FAM135A: variants seen among roughly 807,000 people sequenced by gnomAD.
FAM135A encodes family with sequence similarity 135 member A.
Under a neutral mutation model 146.8 loss-of-function variants are expected in FAM135A, and 79 were observed. The observed-to-expected ratio is 0.54, with a 90% CI of 0.45 to 0.65. The LOEUF (loss-of-function observed/expected upper bound fraction) is 0.65, where lower values mean the gene tolerates loss of function less well. FAM135A is among the 30% of genes least tolerant of loss of function. The pLI, the probability that FAM135A is intolerant of heterozygous loss-of-function variation, is 0.00. For missense variants in FAM135A, 1,623 were observed against 1,758.2 expected (o/e 0.92, Z 1.38); for synonymous variants, 562 against 603.6 (o/e 0.93, Z 1.01).
intron 2 of FAM135A, among the ~76,000 whole-genome samples, chr6:70,425,703 A>G (rs990487539): frequency 1.3e-5 from 2 of 152,250 alleles, no homozygotes; most frequent in African/African-American, 2.4e-5. Flanking sequence ...AGTATTTTAA[A>G]TAGTTCTTTA....
chr6:70,472,221 C>T (rs6906592), intron 5 of FAM135A, among the ~76,000 whole-genome samples: 43,730 of 152,028 alleles, frequency 0.29, 8,512 homozygotes, highest in African/African-American at 0.55. Flanking sequence ...TTTGTTTCTT[C>T]AGGCAGTGGA....
chr6:70,416,134 A>G (rs1767503547), intron 2 of FAM135A, among the ~76,000 whole-genome samples: 2 of 152,198 alleles, frequency 1.3e-5, no homozygotes, highest in South Asian at 4.1e-4. Flanking sequence ...AGATGTACCA[A>G]ATAAAATGAC....
chr6:70,415,568 T>A (rs1767380928), intron 2 of FAM135A, among the ~76,000 whole-genome samples, 192 bp downstream of exon 2: 1 of 152,202 alleles, frequency 6.6e-6, no homozygotes, highest in African/African-American at 2.4e-5. Context: ...TAAGATTTTT[T>A]AAAAATGATT....
intron 2 of FAM135A, among the ~76,000 whole-genome samples, chr6:70,424,974 T>C (rs1052321265): frequency 3.9e-5 from 6 of 151,954 alleles, no homozygotes; most frequent in Admixed American, 2.0e-4. Flanking sequence ...AATTCTGATA[T>C]TAATTTCTAT....
intron 20 of FAM135A, among the ~76,000 whole-genome samples, chr6:70,546,580 ATT>A (rs1193936835): frequency 6.6e-6 from 1 of 152,194 alleles, no homozygotes; most frequent in East Asian, 1.9e-4. Context: ...GCCTAAAATA[ATT>A]TGTGTGTTTT....
At chr6:70,419,637 C>T (rs542919105) in intron 2 of FAM135A, among the ~76,000 whole-genome samples, 46 of 152,202 alleles carry the variant, frequency 3.0e-4, no homozygotes, top group Admixed American at 1.7e-3. Context: ...GTTTTTCCCT[C>T]GGTTGGTCTC....
At chr6:70,449,591 T>G (rs1469113750) in intron 4 of FAM135A, among the ~76,000 whole-genome samples, 2 of 152,206 alleles carry the variant, frequency 1.3e-5, no homozygotes, top group African/African-American at 4.8e-5. Context: ...TTTTCTTATT[T>G]TTTAAGGCTA....
chr6:70,428,715 T>TG, intron 4 of FAM135A, among the ~76,000 whole-genome samples: 1 of 152,230 alleles, frequency 6.6e-6, no homozygotes. Flanking sequence ...TATAGTATAA[T>TG]GGGAAAAAAT....
At chr6:70,492,006 C>G (rs1170660298) in intron 11 of FAM135A, among the ~76,000 whole-genome samples, 1 of 151,874 alleles carries the variant, frequency 6.6e-6, no homozygotes, top group Middle Eastern at 3.4e-3. Flanking sequence ...CAAAATCCCA[C>G]TGGAAATTTA....
rs781723466 is a variant in FAM135A at position 70,556,742 on chromosome 6, A to C, written c.4229-8A>C. The C allele has an allele frequency of 4.4e-6, 7 of 1,573,032 alleles. No individual in the cohort carries two copies. Among genetic ancestry groups the C allele is most frequent in the Admixed American group, 1.8e-5 (1 of 56,630 alleles). On this transcript the variant is annotated splice_region_variant and splice_polypyrimidine_tract_variant and intron_variant, in intron 20 of 21. Transcript: ENST00000418814. ...ACTGCATTATAATTTATTATATTCT[A>C]TTCACAGGGCTTCATTATTTCAAAA...
intron 12 of FAM135A, among the ~76,000 whole-genome samples, chr6:70,521,103 T>C (rs936976913): frequency 6.6e-6 from 1 of 152,204 alleles, no homozygotes; most frequent in African/African-American, 2.4e-5. Context: ...TTTTTGTTTG[T>C]TTTTTCTTCA....
At chr6:70,510,025 T>C (rs530990879) in intron 12 of FAM135A, among the ~76,000 whole-genome samples, 5 of 152,258 alleles carry the variant, frequency 3.3e-5, no homozygotes, top group Non-Finnish European at 5.9e-5. Flanking sequence ...GTATAAAATA[T>C]AGTTTTGGAT....
At chr6:70,454,053 C>T (rs1464345533) in intron 5 of FAM135A, among the ~76,000 whole-genome samples, 1 of 152,168 alleles carries the variant, frequency 6.6e-6, no homozygotes, top group Non-Finnish European at 1.5e-5. Flanking sequence ...GTTCCTGTTT[C>T]TCCACATCCT....
rs1797318292 is a variant in FAM135A at position 70,538,857 on chromosome 6, T to TATATA, written c.4228+460_4228+461insAATAT. Among the ~76,000 whole-genome samples, 6 of 138,758 alleles carry TATATA rather than the reference T, an allele frequency of 4.3e-5. No individual in the cohort carries two copies. In the South Asian group the frequency reaches 1.4e-3, roughly 31 times the overall value. The allele number at this position is 138,758 out of a possible 152,430, so 91.0% of individuals were successfully genotyped here. A position where few individuals can be genotyped will look rare whatever the true frequency, so the allele number is the denominator to read the frequency against. ...TATATTATATTATATTATATTATATTATATGGCTAGCAAGCATTTCTGAAA... is the reference window on the plus strand; with the variant it reads ...TATATTATATTATATTATATTATATTATATAATATGGCTAGCAAGCATTTCTGAAA... On this transcript the variant is annotated intron_variant, in intron 20 of 21. Coordinates refer to ENST00000418814, the MANE Select transcript of FAM135A (RefSeq NM_001162529.3).
Position 70,475,750 on chromosome 6 carries a change from T to G in FAM135A, c.368+17T>G. The G allele has an allele frequency of 6.3e-7, 1 of 1,576,620 alleles. No homozygotes were observed. The highest frequency in any genetic ancestry group is 8.7e-7 in the Non-Finnish European group (1 of 1,155,570). ...AGATTATTCGTAAGTAGCTAATCAA[T>G]TAAAAAACCTTTAGGCACTTATGAC... is the stretch of plus-strand genomic sequence containing the variant. On this transcript the variant is annotated intron_variant, in intron 7 of 21. Transcript: ENST00000418814.
intron 1 of FAM135A, 130 bp downstream of exon 1, chr6:70,413,832 C>G: frequency 1.0e-6 from 1 of 985,546 alleles, no homozygotes; most frequent in Non-Finnish European, 1.2e-6. Flanking sequence ...GCCGCGGCCC[C>G]TCACCCGACT....
chr6:70,525,351 C>G lies in FAM135A; in HGVS notation c.2267C>G (p.Pro756Arg). ...VVVSGDTIKL[P>R]DISATYASSR... Reference sequence around the variant, plus strand: ...GTAAGTGGAGATACAATTAAGTTACCAGATATTAGTGCCACATATGCCTCA... The same window carrying G: ...GTAAGTGGAGATACAATTAAGTTACGAGATATTAGTGCCACATATGCCTCA... The change falls in exon 15 of 22, where the codon CCA becomes CGA. Residue 756 changes from proline (P) to arginine (R), a missense_variant. Around this residue, in one of 7 missense-constraint regions of FAM135A, gnomAD observed 1,061 missense variants for 1,113.8 expected, o/e 0.95. Transcript: ENST00000418814. 1 of 1,613,258 alleles carries G rather than the reference C, an allele frequency of 6.2e-7. No homozygotes were observed. Among genetic ancestry groups the G allele is most frequent in the Non-Finnish European group, 8.5e-7 (1 of 1,179,604 alleles).
intron 9 of FAM135A, among the ~76,000 whole-genome samples, chr6:70,481,537 G>T (rs894917260): frequency 3.9e-5 from 6 of 152,008 alleles, no homozygotes; most frequent in Non-Finnish European, 5.9e-5. Context: ...GGAGCCTGAG[G>T]CAGGTGAATC....
At chr6:70,446,249 A>G (rs1775712162) in intron 4 of FAM135A, among the ~76,000 whole-genome samples, 1 of 152,308 alleles carries the variant, frequency 6.6e-6, no homozygotes, top group East Asian at 1.9e-4. Context: ...AGTTTCCACA[A>G]ATCCTTATGT....
Sources: allele counts gnomAD v4.1 joint callset (sites outside exome capture counted in the v4.1 genomes callset), GRCh38; gene constraint gnomAD v4.1.1; regional missense constraint gnomAD v4.1.1; transcripts MANE v1.5; gene names NCBI Gene and HGNC (gene_info 2026-07-23, HGNC 2026-07-21).